The following MPDZ variants were observed in gnomAD, a reference collection of about 807,000 sequenced individuals.
MPDZ encodes the protein multiple PDZ domain protein.
In MPDZ, 234 loss-of-function variants were observed where a neutral mutation model predicts 239.1. The ratio of observed to expected loss-of-function variants is 0.98; its 90% CI spans 0.88 to 1.09. The LOEUF is 1.09. Ranked by LOEUF, MPDZ falls within the 50% of genes least tolerant of loss-of-function variation. The pLI is 0.00. For synonymous variants in MPDZ, 1,048 were observed against 881.3 expected, an observed-to-expected ratio of 1.19 and a Z score of -3.35; for missense variants, 3,175 against 2,510.0, an observed-to-expected ratio of 1.26 and a Z score of -5.66.
chr9:13,278,403 G>A (rs13290208), intron 1 of MPDZ, among the ~76,000 whole-genome samples: 18,383 of 151,968 alleles, frequency 0.12, 1,562 homozygotes, highest in Middle Eastern at 0.24. Context: ...ACTACGGAGC[G>A]GCCTCTACCT....
At chr9:13,183,039 T>C (rs1953575664) in intron 19 of MPDZ, among the ~76,000 whole-genome samples, 1 of 152,128 alleles carries the variant, frequency 6.6e-6, no homozygotes, top group Non-Finnish European at 1.5e-5. Flanking sequence ...ACTATCCAAC[T>C]TTGCATAGAA....
chr9:13,205,186 T>C (rs1355070131), intron 11 of MPDZ, 79 bp from the exon 12 acceptor site: 3 of 691,304 alleles, frequency 4.3e-6, no homozygotes, highest in Admixed American at 7.6e-5. Flanking sequence ...AGTATATTTA[T>C]TTGAACTCCT....
intron 24 of MPDZ, among the ~76,000 whole-genome samples, chr9:13,153,218 C>G (rs545430155): frequency 1.3e-5 from 2 of 152,236 alleles, no homozygotes; most frequent in East Asian, 1.9e-4. Context: ...GAAATGAAAG[C>G]AGACACTGAG....
intron 22 of MPDZ, among the ~76,000 whole-genome samples, chr9:13,166,563 C>A (rs533612267): frequency 1.3e-5 from 2 of 152,146 alleles, no homozygotes; most frequent in South Asian, 2.1e-4. Context: ...GAGAGAGAGA[C>A]TCACTGACTG....
rs761804801 is a variant in MPDZ, at chr9:13,110,071, A to C, written c.5830-7T>G. The C allele has an allele frequency of 6.2e-7, 1 of 1,607,366 alleles. No individual in the cohort carries two copies. Among genetic ancestry groups the C allele is most frequent in the Non-Finnish European group, 8.5e-7 (1 of 1,175,898 alleles). ...CGTCTCCTCCAGCAACCACCTGCGC[A>C]CAGGAGGAGGATAAACAGAAAAAAC... is the stretch of plus-strand genomic sequence containing the variant. On this transcript the variant is annotated splice_polypyrimidine_tract_variant and splice_region_variant and intron_variant, in intron 44 of 46. Transcript: ENST00000319217.
rs200131423 is a variant in MPDZ at position 13,150,633 on chromosome 9, G to A, written c.3508C>T (p.Arg1170Ter). The change falls in exon 25 of 47, where the codon CGA becomes TGA. Residue 1170 changes from arginine to a stop codon, truncating the protein, a stop_gained. Coordinates refer to ENST00000319217, the MANE Select transcript of MPDZ (RefSeq NM_001378778.1). LOFTEE classifies it high-confidence loss of function. ...KSLGISIVGG[R>*]GMGSRLSNGE... ...TTGCTTAGCCGACTCCCCATCCCTCGTCCACCAACAATGCTGATGCCTAAG... is the reference window on the plus strand; with the variant it reads ...TTGCTTAGCCGACTCCCCATCCCTCATCCACCAACAATGCTGATGCCTAAG... The A allele has an allele frequency of 2.6e-5, 39 of 1,519,202 alleles. No homozygotes were observed. The highest frequency in any genetic ancestry group is 5.6e-5 in the African/African-American group (4 of 71,114). The allele number at this position is 1,519,202 out of a possible 1,614,324, so 94.1% of individuals were successfully genotyped here. A position where few individuals can be genotyped will look rare whatever the true frequency, so the allele number is the denominator to read the frequency against.
chr9:13,146,470 G>A (rs566130842), intron 26 of MPDZ, among the ~76,000 whole-genome samples: 2 of 152,110 alleles, frequency 1.3e-5, no homozygotes, highest in African/African-American at 4.8e-5. Context: ...ATATTTTGCA[G>A]ATAAAATTAA....
intron 39 of MPDZ, among the ~76,000 whole-genome samples, chr9:13,117,878 C>T (rs1210355366): frequency 7.4e-6 from 1 of 134,426 alleles, no homozygotes; most frequent in African/African-American, 2.8e-5. Context: ...GAGTTTCACT[C>T]TTATTGCCCA....
At chr9:13,274,347 A>G (rs1007935012) in intron 1 of MPDZ, among the ~76,000 whole-genome samples, 1 of 150,484 alleles carries the variant, frequency 6.6e-6, no homozygotes, top group Admixed American at 6.6e-5. Flanking sequence ...GCACTTATTT[A>G]TAGCACCTTG....
rs1953651368 is a variant in MPDZ, at chr9:13,183,452, T to C, written c.2615A>G (p.Asn872Ser). The C allele has an allele frequency of 6.2e-7, 1 of 1,610,898 alleles. No individual in the cohort carries two copies. The highest frequency in any genetic ancestry group is 8.5e-7 in the Non-Finnish European group (1 of 1,178,496). Residue 872 changes from asparagine to serine, a missense_variant, in exon 19 of 47, where the codon AAC becomes AGC. Coordinates refer to ENST00000319217, the MANE Select transcript of MPDZ (RefSeq NM_001378778.1). ...AGATGATGGAAGGGAAGAACCATAG[T>C]TCAGGCCATCACCACAAGAACTGCC... ...LHGSSCGDGLNYGSSLPSSPP... is the reference protein window; with the variant it reads ...LHGSSCGDGLSYGSSLPSSPP...
At chr9:13,214,629 G>A (rs1305195155) in intron 10 of MPDZ, among the ~76,000 whole-genome samples, 1 of 151,918 alleles carries the variant, frequency 6.6e-6, no homozygotes, top group African/African-American at 2.4e-5. Context: ...GATTAATATA[G>A]ATTACTTAGG....
intron 42 of MPDZ, among the ~76,000 whole-genome samples, chr9:13,112,570 G>A (rs1942677138): frequency 6.6e-6 from 1 of 152,198 alleles, no homozygotes; most frequent in Non-Finnish European, 1.5e-5. Context: ...ACAGAGGGCT[G>A]CAGTGAATAT....
intron 21 of MPDZ, among the ~76,000 whole-genome samples, chr9:13,174,259 G>T (rs922977135): frequency 6.6e-6 from 1 of 152,026 alleles, no homozygotes; most frequent in African/African-American, 2.4e-5. Context: ...ATATTTTAAT[G>T]CCTTTAGGAT....
chr9:13,133,678 G>A (rs975361139), intron 32 of MPDZ, 146 bp downstream of exon 32: 4 of 511,888 alleles, frequency 7.8e-6, no homozygotes, highest in Non-Finnish European at 1.4e-5. Flanking sequence ...ATAAGTTTGA[G>A]TGGGCCCAAG....
chr9:13,113,091 T>C lies in MPDZ; in HGVS notation c.5558-37A>G, dbSNP rs749268450. On this transcript the variant is annotated intron_variant, in intron 41 of 46. Transcript: ENST00000319217. ...AAAAAGATAAAATAGGGTTATTTTA[T>C]GTTCATTCACTTTTTATGTTCGTTA... 12 of 1,504,898 alleles carry C rather than the reference T, an allele frequency of 8.0e-6. No homozygotes were observed. In the African/African-American group the frequency reaches 1.1e-4, roughly 14 times the overall value. The allele number at this position is 1,504,898 out of a possible 1,614,324, so 93.2% of individuals were successfully genotyped here.
In MPDZ at chr9:13,115,303, C is replaced by T. The variant is rs1193549277; in HGVS notation, c.5411G>A (p.Gly1804Glu). 2 of 1,612,748 alleles carry T rather than the reference C, an allele frequency of 1.2e-6. No individual in the cohort carries two copies. Among genetic ancestry groups the T allele is most frequent in the South Asian group, 1.1e-5 (1 of 91,066 alleles). ...CSLGTVTLEVGRIKAGPFHSE... is the reference protein window; with the variant it reads ...CSLGTVTLEVERIKAGPFHSE... ...ATGGAATGGACCAGCTTTGATTCTT[C>T]CAACTTCCAAGGTTACTGTGCCTAG... Residue 1804 changes from glycine (G) to glutamate (E), a missense_variant, in exon 40 of 47, where the codon GGA becomes GAA. Physicochemically the swap from Gly to Glu is moderately conservative, Grantham distance 98. Coordinates refer to ENST00000319217, the MANE Select transcript of MPDZ (RefSeq NM_001378778.1).
At position 13,110,013 on chromosome 9, in the gene MPDZ, C is replaced by T. The variant is rs761562072; in HGVS notation, c.5881G>A (p.Ala1961Thr). 2 of 1,613,324 alleles carry T rather than the reference C, an allele frequency of 1.2e-6. No homozygotes were observed. Among genetic ancestry groups the T allele is most frequent in the South Asian group, 2.2e-5 (2 of 90,958 alleles). The stretch of plus-strand genomic sequence containing the variant: ...CCAGTGAAAGAAAGACTGGAACTTG[C>T]AGGCTCCTGCTGATGACCTGTGACC... ...SVVTGHQQEP[A>T]SSSLSFTGLT... The change falls in exon 45 of 47, where the codon GCA (alanine) becomes ACA (threonine). Residue 1961 changes from alanine (A) to threonine (T), a missense_variant. Coordinates refer to ENST00000319217, the MANE Select transcript of MPDZ (RefSeq NM_001378778.1).
At chr9:13,228,973 G>A (rs1961530940) in intron 3 of MPDZ, among the ~76,000 whole-genome samples, 1 of 152,126 alleles carries the variant, frequency 6.6e-6, no homozygotes. Flanking sequence ...CAACTGTTTA[G>A]TGCCCTGGGT....
In MPDZ at chr9:13,115,269, C is replaced by T. The variant is rs781519089; in HGVS notation, c.5445G>A (p.Arg1815=). ...CCACCTGGCTGCTTTGAGATGGCCT[C>T]CTCTCTGAATGGAATGGACCAGCTT... is the stretch of plus-strand genomic sequence containing the variant. ...RIKAGPFHSE[R]RPSQSSQVSE... is the part of the protein sequence containing the mutation. The change falls in exon 40 of 47, where the codon AGG becomes AGA. Residue 1815 remains arginine (R), a synonymous_variant. Transcript: ENST00000319217. The T allele has an allele frequency of 6.2e-7, 1 of 1,612,662 alleles. No individual in the cohort carries two copies. Among genetic ancestry groups the T allele is most frequent in the South Asian group, 1.1e-5 (1 of 91,042 alleles).
Sources: gnomAD v4.1 joint callset for allele counts (sites outside exome capture counted in the v4.1 genomes callset) on GRCh38, gnomAD v4.1.1 for gene constraint, MANE v1.5 for transcripts, NCBI Gene and HGNC (gene_info 2026-07-23, HGNC 2026-07-21) for gene names.